Variants in MTAP observed in about 807,000 individuals in gnomAD.
The protein encoded by MTAP is methylthioadenosine phosphorylase.
In MTAP, 33 loss-of-function variants were observed where a neutral mutation model predicts 33.6. That is an observed-to-expected ratio of 0.98 (90% CI 0.74 to 1.31). The LOEUF (loss-of-function observed/expected upper bound fraction) is 1.31. Among genes scored for constraint, MTAP ranks in the 40% most tolerant of loss-of-function variants. The pLI is 0.00. For missense variants in MTAP, 367 were observed against 360.0 expected (o/e 1.02, Z -0.16); for synonymous variants, 148 against 125.7 (o/e 1.18, Z -1.19).
At chr9:21,843,888 C>T (rs1825313529) in intron 5 of MTAP, among the ~76,000 whole-genome samples, 1 of 151,880 alleles carries the variant, frequency 6.6e-6, no homozygotes, top group African/African-American at 2.4e-5. Context: ...AGAAAAGAAA[C>T]AGCAGAGATC....
chr9:21,888,456 A>G lies in MTAP; in HGVS notation c.147+33586A>G, dbSNP rs533175327. On this transcript the variant is annotated intron_variant, in intron 1 of 1. Coordinates refer to the MTAP transcript ENST00000577563. ...CTGTTACTGTGTTGTTGTCTATCTCATTTCTTAGGTCTAGTAGTAATTGTT... is the reference window on the plus strand; with the variant it reads ...CTGTTACTGTGTTGTTGTCTATCTCGTTTCTTAGGTCTAGTAGTAATTGTT... 3.7e-4 allele frequency among the ~76,000 whole-genome samples: 57 copies of G among 152,076 alleles called. No individual in the cohort carries two copies. In the South Asian group the frequency reaches 5.8e-3, roughly 16 times the overall value.
chr9:21,900,973 A>C (rs1818381978), intron 1 of MTAP, among the ~76,000 whole-genome samples: 1 of 152,198 alleles, frequency 6.6e-6, no homozygotes, highest in Non-Finnish European at 1.5e-5. Context: ...CACTGAGTAC[A>C]CATGAACACA....
chr9:21,833,801 C>T (rs1175699673), intron 4 of MTAP, among the ~76,000 whole-genome samples: 1 of 152,176 alleles, frequency 6.6e-6, no homozygotes, highest in Non-Finnish European at 1.5e-5. Flanking sequence ...CACCACATTT[C>T]CTCAAAGGAA....
chr9:21,830,899 T>C (rs1459251144), intron 4 of MTAP, among the ~76,000 whole-genome samples: 2 of 152,210 alleles, frequency 1.3e-5, no homozygotes, highest in South Asian at 2.1e-4. Flanking sequence ...CCCACCGGAC[T>C]TGTAAAGCTC....
chr9:21,932,022 T>A (rs1257163181), downstream of MTAP: 2 of 144,758 alleles, frequency 1.4e-5, no homozygotes, highest in African/African-American at 5.8e-5. Flanking sequence ...AGAATGAGAC[T>A]CTATTTTTTT....
At chr9:21,931,135 C>T (rs1394949614) in exon 2 of MTAP, 1 of 759,036 alleles carries the variant, frequency 1.3e-6, no homozygotes, top group Non-Finnish European at 2.4e-6. Flanking sequence ...CTGCCCCTGT[C>T]TCCCTTAGAC....
intron 1 of MTAP, chr9:21,813,724 T>C (rs1279871752): frequency 6.6e-6 from 1 of 152,172 alleles, no homozygotes; most frequent in East Asian, 1.9e-4. Flanking sequence ...GGGAGCTGGC[T>C]GAGAGTAATT....
chr9:21,923,098 C>T (rs1214195839), intron 1 of MTAP, among the ~76,000 whole-genome samples: 1 of 152,190 alleles, frequency 6.6e-6, no homozygotes, highest in African/African-American at 2.4e-5. Context: ...TCCTTCTCTA[C>T]GTTAAACACA....
chr9:21,837,655 C>T (rs905479983), intron 4 of MTAP, among the ~76,000 whole-genome samples: 1 of 152,166 alleles, frequency 6.6e-6, no homozygotes, highest in African/African-American at 2.4e-5. Flanking sequence ...AAAGTGGTTA[C>T]CCCGTCACGG....
At chr9:21,824,815 C>G (rs1824744915) in intron 4 of MTAP, among the ~76,000 whole-genome samples, 1 of 152,186 alleles carries the variant, frequency 6.6e-6, no homozygotes. Context: ...CGCCCATCCC[C>G]CAGCCTTGCC....
At chr9:21,821,209 C>G (rs1251311297) in intron 4 of MTAP, among the ~76,000 whole-genome samples, 2 of 152,180 alleles carry the variant, frequency 1.3e-5, no homozygotes, top group African/African-American at 2.4e-5. Context: ...TGCCAGTTTT[C>G]AAAGGGAATG....
chr9:21,890,052 A>G (rs1157590795), intron 1 of MTAP, among the ~76,000 whole-genome samples: 1 of 152,164 alleles, frequency 6.6e-6, no homozygotes, highest in Non-Finnish European at 1.5e-5. Flanking sequence ...AGGTAGAGAA[A>G]GACCATCAGG....
intron 4 of MTAP, among the ~76,000 whole-genome samples, chr9:21,820,088 A>G (rs1360145725): frequency 6.6e-6 from 1 of 152,104 alleles, no homozygotes; most frequent in Admixed American, 6.5e-5. Context: ...CCCATTCTGT[A>G]GGTTGCCTGT....
intron 5 of MTAP, among the ~76,000 whole-genome samples, chr9:21,845,086 G>A (rs1014280127): frequency 2.7e-5 from 4 of 150,270 alleles, no homozygotes; most frequent in Non-Finnish European, 5.9e-5. Flanking sequence ...ATATTGAACA[G>A]GGAAAAGTTG....
At chr9:21,859,148 C>T in intron 6 of MTAP, 155 bp from the exon 7 acceptor site, 1 of 1,108,004 alleles carries the variant, frequency 9.0e-7, no homozygotes, top group South Asian at 1.7e-5. Flanking sequence ...AATGCCCAAC[C>T]TCCAAATACC....
At chr9:21,884,676 T>C (rs562936175) in intron 1 of MTAP, among the ~76,000 whole-genome samples, 4 of 152,126 alleles carry the variant, frequency 2.6e-5, no homozygotes, top group Non-Finnish European at 5.9e-5. Context: ...TTTCTTTCTC[T>C]TCTTATAAGG....
At chr9:21,896,653 G>A (rs1297505325) in intron 1 of MTAP, among the ~76,000 whole-genome samples, 1 of 152,054 alleles carries the variant, frequency 6.6e-6, no homozygotes, top group Admixed American at 6.6e-5. Context: ...TAAATTCCTG[G>A]ATACATACAC....
downstream of MTAP, among the ~76,000 whole-genome samples, chr9:21,939,293 C>A (rs1819095944): frequency 6.6e-6 from 1 of 152,182 alleles, no homozygotes; most frequent in Non-Finnish European, 1.5e-5. Context: ...CGGACTAATG[C>A]ACATGGGATA....
downstream of MTAP, chr9:21,931,503 G>A (rs755563525): frequency 2.5e-4 from 59 of 232,552 alleles, no homozygotes; most frequent in Non-Finnish European, 4.3e-4. Context: ...CCTGAAGCTG[G>A]TGATCAGCAG....
Sources: allele counts gnomAD v4.1 joint callset (sites outside exome capture counted in the v4.1 genomes callset), GRCh38; gene constraint gnomAD v4.1.1; transcripts MANE v1.5; gene names NCBI Gene and HGNC (gene_info 2026-07-23, HGNC 2026-07-21).